The following GOLGA1 variants were observed in gnomAD, a reference collection of about 807,000 sequenced individuals.
The protein encoded by GOLGA1 is golgin subfamily A member 1.
A neutral mutation model predicts 119.7 loss-of-function variants in GOLGA1; 63 were observed. The ratio of observed to expected loss-of-function variants is 0.53; its 90% CI spans 0.43 to 0.65. GOLGA1 has a LOEUF of 0.65. Ranked by LOEUF, GOLGA1 falls within the 30% of genes least tolerant of loss-of-function variation. GOLGA1 has a pLI of 0.00. For missense variants in GOLGA1, 798 were observed against 912.8 expected (o/e 0.87, Z 1.62); for synonymous variants, 318 against 333.4 (o/e 0.95, Z 0.50).
intron 15 of GOLGA1, among the ~76,000 whole-genome samples, chr9:124,895,735 AAC>A (rs941598253): frequency 6.6e-6 from 1 of 150,684 alleles, no homozygotes; most frequent in Non-Finnish European, 1.5e-5. Context: ...AACCATCCAC[AAC>A]AGAGATCCTC....
chr9:124,888,829 A>G lies in GOLGA1; in HGVS notation c.1761+314T>C, dbSNP rs977207442. ...ATTCTCCTGCCTCAGCCTCCCGAGTAGCTGGGACTACAGGCACTCGCCACC... is the reference window on the plus strand; with the variant it reads ...ATTCTCCTGCCTCAGCCTCCCGAGTGGCTGGGACTACAGGCACTCGCCACC... On this transcript the variant is annotated intron_variant, in intron 18 of 22. Coordinates refer to ENST00000373555, the MANE Select transcript of GOLGA1 (RefSeq NM_002077.4). The surrounding 1 kb of genome is among the most constrained non-coding windows in gnomAD (Gnocchi z 4.4). Among the ~76,000 whole-genome samples the G allele has an allele frequency of 2.0e-5, 3 of 152,148 alleles. No individual in the cohort carries two copies. The highest frequency in any genetic ancestry group is 4.4e-5 in the Non-Finnish European group (3 of 68,032).
intron 19 of GOLGA1, among the ~76,000 whole-genome samples, chr9:124,884,335 C>T (rs886638027): frequency 6.6e-6 from 1 of 152,208 alleles, no homozygotes; most frequent in Non-Finnish European, 1.5e-5. Context: ...TATTCAAAGT[C>T]TCTGAATGGT....
At chr9:124,941,188 C>CT (rs1469536436), upstream of GOLGA1, 1 of 152,338 alleles carries the variant, frequency 6.6e-6, no homozygotes, top group Admixed American at 6.5e-5. Flanking sequence ...GTTACCACCT[C>CT]TGAGCGGCGA....
At chr9:124,922,991 A>G (rs192393242) in intron 8 of GOLGA1, 104 bp downstream of exon 8, 2 of 696,188 alleles carry the variant, frequency 2.9e-6, no homozygotes, top group Non-Finnish European at 5.0e-6. Context: ...TTAATATCAC[A>G]TATTACTGGT....
intron 2 of GOLGA1, among the ~76,000 whole-genome samples, chr9:124,939,500 T>C (rs1186941540): frequency 6.6e-6 from 1 of 151,482 alleles, no homozygotes; most frequent in Non-Finnish European, 1.5e-5. Context: ...AGACGCTGTG[T>C]GGTTTTGAGT....
chr9:124,880,743 CAAG>C lies in GOLGA1; in HGVS notation c.2224-136_2224-134del, dbSNP rs1210483469. On this transcript the variant is annotated intron_variant, in intron 22 of 22. Transcript: ENST00000373555. ...ATCCTGCCTCTGGCTCTGAGCAGAG[CAAG>C]AAGATGGTGCCAGTAACCAGTCTGC... 14 of 646,452 alleles carry C rather than the reference CAAG, an allele frequency of 2.2e-5. 1 individual carries two copies. The highest frequency in any genetic ancestry group is 1.6e-4 in the South Asian group (10 of 60,734). 40.0% of individuals were successfully genotyped at this position (646,452 alleles called of 1,614,324 possible).
intron 10 of GOLGA1, among the ~76,000 whole-genome samples, chr9:124,917,764 C>T (rs1830478850): frequency 6.6e-6 from 1 of 152,170 alleles, no homozygotes; most frequent in Non-Finnish European, 1.5e-5. Context: ...AATTCTCTCC[C>T]ATCATCCCTT....
At chr9:124,891,202 A>AT (rs1410966345) in intron 15 of GOLGA1, among the ~76,000 whole-genome samples, 5 of 152,314 alleles carry the variant, frequency 3.3e-5, no homozygotes, top group Non-Finnish European at 1.5e-5. Flanking sequence ...AGAGCCACCT[A>AT]AGATCCAGCA....
At chr9:124,932,384 A>G (rs564443768) in intron 3 of GOLGA1, among the ~76,000 whole-genome samples, 1 of 152,306 alleles carries the variant, frequency 6.6e-6, no homozygotes, top group East Asian at 1.9e-4. Context: ...CCCATCCAAT[A>G]TGTACTGAGA....
At chr9:124,917,234 C>T (rs1380775251) in intron 10 of GOLGA1, among the ~76,000 whole-genome samples, 1 of 152,150 alleles carries the variant, frequency 6.6e-6, no homozygotes, top group Admixed American at 6.6e-5. Flanking sequence ...ACAGAGGGAA[C>T]CTCAAAGATA....
chr9:124,898,534 C>T lies in GOLGA1; in HGVS notation c.1407+15G>A, dbSNP rs1830028563. ...TGAACACTTTTATGAAACTTTGATTCAATTAGATAAATACCTTCAGCTTCT... is the reference window on the plus strand; with the variant it reads ...TGAACACTTTTATGAAACTTTGATTTAATTAGATAAATACCTTCAGCTTCT... On this transcript the variant is annotated intron_variant, in intron 15 of 22. Coordinates refer to ENST00000373555, the MANE Select transcript of GOLGA1 (RefSeq NM_002077.4). The T allele has an allele frequency of 7.1e-7, 1 of 1,406,330 alleles. No homozygotes were observed. Among genetic ancestry groups the T allele is most frequent in the Non-Finnish European group, 1.0e-6 (1 of 994,674 alleles). The allele number at this position is 1,406,330 out of a possible 1,614,324, so 87.1% of individuals were successfully genotyped here.
At chr9:124,906,825 G>GAA (rs1830243322) in intron 12 of GOLGA1, among the ~76,000 whole-genome samples, 1 of 151,990 alleles carries the variant, frequency 6.6e-6, no homozygotes. Flanking sequence ...ACTTAGGCAA[G>GAA]AAAATAAGAC....
intron 15 of GOLGA1, among the ~76,000 whole-genome samples, chr9:124,890,883 G>A (rs1362924276): frequency 1.3e-5 from 2 of 152,124 alleles, no homozygotes; most frequent in South Asian, 2.1e-4. Context: ...GACCAGGGAC[G>A]GTGGCTCACA....
At chr9:124,887,251 TG>T (rs566588304) in intron 19 of GOLGA1, among the ~76,000 whole-genome samples, 81 of 151,942 alleles carry the variant, frequency 5.3e-4, no homozygotes, top group African/African-American at 1.8e-3. Context: ...AAAACGAAAC[TG>T]TGGGGTTGAG....
intron 10 of GOLGA1, among the ~76,000 whole-genome samples, chr9:124,918,646 T>C (rs1421235029): frequency 6.6e-6 from 1 of 152,076 alleles, no homozygotes; most frequent in Non-Finnish European, 1.5e-5. Context: ...GTCCCTGCTA[T>C]TCAGGAGGCT....
chr9:124,895,138 T>C (rs1371504135), intron 15 of GOLGA1, among the ~76,000 whole-genome samples: 2 of 123,118 alleles, frequency 1.6e-5, no homozygotes, highest in African/African-American at 6.5e-5. Flanking sequence ...CAGAGAACCA[T>C]CCACAACAGA....
intron 12 of GOLGA1, among the ~76,000 whole-genome samples, chr9:124,906,400 C>T (rs1830232948): frequency 6.6e-6 from 1 of 151,542 alleles, no homozygotes; most frequent in South Asian, 2.1e-4. Context: ...CACTGCACTC[C>T]AGCCTGGGCG....
Position 124,926,727 on chromosome 9 carries a change from CT to C in GOLGA1, c.413del (p.Lys138ArgfsTer12). On this transcript the variant is annotated frameshift_variant, in exon 7 of 23. Transcript: ENST00000373555. LOFTEE classifies it high-confidence loss of function. ...LARKDQEWSE[K>X]MDQLEKEKNI... The stretch of plus-strand genomic sequence containing the variant: ...AACTAACCTTTTCAAGCTGATCCAT[CT>C]TTTCTGACCATTCCTAAAACAAAAC... The C allele has an allele frequency of 6.3e-7, 1 of 1,578,528 alleles. No homozygotes were observed. The highest frequency in any genetic ancestry group is 8.7e-7 in the Non-Finnish European group (1 of 1,149,372).
At chr9:124,898,667 A>C (rs769069607) in intron 14 of GOLGA1, 23 bp from the exon 15 acceptor site, 5 of 1,411,904 alleles carry the variant, frequency 3.5e-6, no homozygotes, top group Non-Finnish European at 4.0e-6. Context: ...AAGAACACAT[A>C]TAAAAGAAGT....
Sources: allele counts gnomAD v4.1 joint callset (sites outside exome capture counted in the v4.1 genomes callset), GRCh38; gene constraint gnomAD v4.1.1; non-coding constraint Gnocchi (gnomAD v3.1); transcripts MANE v1.5; gene names NCBI Gene and HGNC (gene_info 2026-07-23, HGNC 2026-07-21).